Variants in CCSER2 observed in about 807,000 individuals in gnomAD.
CCSER2 encodes coiled-coil serine rich protein 2.
In CCSER2, 46 loss-of-function variants were observed where a neutral mutation model predicts 92.3. The ratio of observed to expected loss-of-function variants is 0.50; its 90% CI spans 0.39 to 0.64. The LOEUF is 0.64. Among genes scored for constraint, CCSER2 ranks in the 30% least tolerant of loss-of-function variants. The pLI is 0.00. For missense variants in CCSER2, 1,244 were observed against 1,238.9 expected, an observed-to-expected ratio of 1.00 and a Z score of -0.06; for synonymous variants, 433 against 431.4, an observed-to-expected ratio of 1.00 and a Z score of -0.04.
chr10:84,489,344 A>T (rs1282165135), intron 9 of CCSER2, among the ~76,000 whole-genome samples: 2 of 152,084 alleles, frequency 1.3e-5, no homozygotes, highest in Non-Finnish European at 2.9e-5. Context: ...GGGGTGTTAA[A>T]GTCTTTCATT....
chr10:84,346,428 CA>C, intron 1 of CCSER2, among the ~76,000 whole-genome samples: 1 of 151,292 alleles, frequency 6.6e-6, no homozygotes, highest in East Asian at 1.9e-4. Flanking sequence ...TGCTTGTCTT[CA>C]AGGAGGTCTC....
chr10:84,336,210 A>G (rs1306374775), intron 1 of CCSER2, among the ~76,000 whole-genome samples: 2 of 152,210 alleles, frequency 1.3e-5, no homozygotes, highest in Non-Finnish European at 2.9e-5. Context: ...ATCCTGGCTT[A>G]GAGAATAGAT....
intron 6 of CCSER2, among the ~76,000 whole-genome samples, chr10:84,440,821 C>A (rs1300077740): frequency 1.3e-5 from 2 of 152,144 alleles, no homozygotes. Context: ...GAAATAGTTT[C>A]GTTGTAATAG....
chr10:84,502,321 A>C (rs1345907766), intron 9 of CCSER2, among the ~76,000 whole-genome samples: 2 of 149,930 alleles, frequency 1.3e-5, no homozygotes, highest in African/African-American at 2.4e-5. Context: ...GATAGTTGAG[A>C]GATTTCTCCA....
At chr10:84,353,089 G>C (rs1844955436) in intron 1 of CCSER2, among the ~76,000 whole-genome samples, 1 of 152,222 alleles carries the variant, frequency 6.6e-6, no homozygotes, top group Admixed American at 6.5e-5. Flanking sequence ...ACCGCGCCCA[G>C]CCTAAGATAC....
At chr10:84,381,917 C>CAA (rs544545707) in intron 3 of CCSER2, among the ~76,000 whole-genome samples, 16,286 of 119,726 alleles carry the variant, frequency 0.14, 1,276 homozygotes, top group East Asian at 0.17. Flanking sequence ...AAGGCTTTCT[C>CAA]AAAAAAAAAA....
chr10:84,481,446 C>T (rs1392935948), intron 9 of CCSER2, among the ~76,000 whole-genome samples: 1 of 151,320 alleles, frequency 6.6e-6, no homozygotes, highest in East Asian at 1.9e-4. Flanking sequence ...TTTTTTTCTG[C>T]CTGTAGTAAA....
chr10:84,430,545 C>T (rs933547761), intron 5 of CCSER2, among the ~76,000 whole-genome samples: 7 of 152,126 alleles, frequency 4.6e-5, no homozygotes, highest in African/African-American at 9.7e-5. Context: ...TTCTAGGGAG[C>T]GGCCAGGGAG....
chr10:84,463,118 T>A (rs1370947541), intron 6 of CCSER2, among the ~76,000 whole-genome samples: 1 of 152,242 alleles, frequency 6.6e-6, no homozygotes, highest in Non-Finnish European at 1.5e-5. Flanking sequence ...GGTTTCTTAG[T>A]ACTAAACCAG....
chr10:84,490,778 G>C (rs1848112527), intron 9 of CCSER2, among the ~76,000 whole-genome samples: 1 of 152,230 alleles, frequency 6.6e-6, no homozygotes, highest in Non-Finnish European at 1.5e-5. Context: ...TTCCATTGCT[G>C]GCGAGGAGCT....
chr10:84,407,372 A>G (rs17257714), intron 3 of CCSER2, among the ~76,000 whole-genome samples: 3,598 of 152,124 alleles, frequency 0.024, 58 homozygotes, highest in Non-Finnish European at 0.039. Context: ...TTACTTGTTT[A>G]ATCTTTTCCA....
At chr10:84,386,558 A>C (rs140960911) in intron 3 of CCSER2, among the ~76,000 whole-genome samples, 120 of 152,276 alleles carry the variant, frequency 7.9e-4, no homozygotes, top group African/African-American at 2.8e-3. Flanking sequence ...CTCTACTAAA[A>C]CTACAAAAAT....
At chr10:84,512,865 A>C (rs1179370804) in intron 9 of CCSER2, among the ~76,000 whole-genome samples, 1 of 152,268 alleles carries the variant, frequency 6.6e-6, no homozygotes, top group Non-Finnish European at 1.5e-5. Context: ...CAAGAATATT[A>C]AAAATAGGTT....
In CCSER2 at chr10:84,508,260, C is replaced by T. The variant is rs1188280787; in HGVS notation, c.2326-5189C>T. On this transcript the variant is annotated intron_variant, in intron 9 of 9. Coordinates refer to ENST00000372088, the MANE Select transcript of CCSER2 (RefSeq NM_001284240.2). ...GGTAACTAGAGATCATGCATGCAGA[C>T]TCAAGAGTTTGAATCTATACCCTTG... Among the ~76,000 whole-genome samples the T allele has an allele frequency of 2.6e-5, 4 of 152,148 alleles. No homozygotes were observed. The East Asian group carries it at 7.7e-4, about 29-fold the overall frequency.
At chr10:84,386,102 A>G (rs1451867456) in intron 3 of CCSER2, among the ~76,000 whole-genome samples, 1 of 152,210 alleles carries the variant, frequency 6.6e-6, no homozygotes, top group African/African-American at 2.4e-5. Context: ...GAGGATGTGG[A>G]GAAAAGGGAA....
chr10:84,394,448 G>A (rs537914126), intron 3 of CCSER2, among the ~76,000 whole-genome samples: 8 of 150,488 alleles, frequency 5.3e-5, no homozygotes, highest in East Asian at 4.0e-4. Context: ...AGCTTTTGAA[G>A]AGGAAGTTAA....
intron 3 of CCSER2, among the ~76,000 whole-genome samples, chr10:84,395,279 T>TACCTGGCATAGAGTAGA (rs1191501768): frequency 1.3e-5 from 2 of 151,524 alleles, no homozygotes; most frequent in Non-Finnish European, 2.9e-5. Flanking sequence ...CCTAGCATAG[T>TACCTGGCATAGAGTAGA]ACCTGGCATA....
chr10:84,513,978 T>C lies in CCSER2; in HGVS notation c.2855T>C (p.Ile952Thr), dbSNP rs1186355265. The C allele has an allele frequency of 3.3e-6, 5 of 1,536,642 alleles. No homozygotes were observed. Among genetic ancestry groups the C allele is most frequent in the Middle Eastern group, 1.7e-4 (1 of 5,996 alleles). ...ACTCCCACTTGTAAAAAGTCACCAA[T>C]AATCACAACATGTAATTCAGCAAAA... is the stretch of plus-strand genomic sequence containing the variant. The part of the protein sequence containing the change: ...SRTPTCKKSP[I>T]ITTCNSAKLQ... The change falls in exon 10 of 10, where the codon ATA (isoleucine) becomes ACA (threonine). Residue 952 changes from isoleucine to threonine, a missense_variant. By Grantham distance (89) the Ile-to-Thr change is moderately conservative. Transcript: ENST00000372088.
chr10:84,435,898 T>A (rs1478156890), intron 5 of CCSER2, among the ~76,000 whole-genome samples: 2 of 152,062 alleles, frequency 1.3e-5, no homozygotes, highest in Non-Finnish European at 2.9e-5. Context: ...TGATTTAAGA[T>A]GAAGAGGAAT....
Sources: allele counts gnomAD v4.1 joint callset (sites outside exome capture counted in the v4.1 genomes callset), GRCh38; gene constraint gnomAD v4.1.1; transcripts MANE v1.5; gene names NCBI Gene and HGNC (gene_info 2026-07-23, HGNC 2026-07-21).